PACS1: variants seen among roughly 807,000 people sequenced by gnomAD.
The protein encoded by PACS1 is phosphofurin acidic cluster sorting protein 1, also known as PACS-1.
A neutral mutation model predicts 115.0 loss-of-function variants in PACS1; 24 were observed. The ratio of observed to expected loss-of-function variants is 0.21; its 90% CI spans 0.15 to 0.29. The LOEUF is 0.29. Ranked by LOEUF, PACS1 falls within the 10% of genes least tolerant of loss-of-function variation. PACS1 has a pLI of 1.00. For synonymous variants in PACS1, 453 were observed against 504.5 expected (o/e 0.90, Z 1.37); for missense variants, 838 against 1,251.2 (o/e 0.67, Z 4.98).
At position 66,163,740 on chromosome 11, in the gene PACS1, C is replaced by T. The variant is rs181914403; in HGVS notation, c.357-29746C>T. On this transcript the variant is annotated intron_variant, in intron 1 of 23. Coordinates refer to ENST00000320580, the MANE Select transcript of PACS1 (RefSeq NM_018026.4). The stretch of plus-strand genomic sequence containing the variant: ...GAATGTCTAAGGATTATTTTGTTTT[C>T]TCTTTCTGAGTGCAGCTGTTTGTTT... Among the ~76,000 whole-genome samples, 6 of 152,184 alleles carry T rather than the reference C, an allele frequency of 3.9e-5. 1 individual carries two copies. Among genetic ancestry groups the T allele is most frequent in the East Asian group, 1.9e-4 (1 of 5,178 alleles).
At chr11:66,158,417 G>GCTTTACTGTAATT (rs1859409735) in intron 1 of PACS1, among the ~76,000 whole-genome samples, 2 of 152,222 alleles carry the variant, frequency 1.3e-5, no homozygotes, top group Admixed American at 1.3e-4. Context: ...TGGAAGATAG[G>GCTTTACTGTAATT]CCGGGCGTGG....
chr11:66,143,721 C>T (rs552624656), intron 1 of PACS1, among the ~76,000 whole-genome samples: 45 of 152,184 alleles, frequency 3.0e-4, no homozygotes, highest in African/African-American at 1.1e-3. Context: ...CTCATTGCAA[C>T]CTCTGCCTCC....
chr11:66,147,121 C>G (rs1357412145), intron 1 of PACS1, among the ~76,000 whole-genome samples: 2 of 152,068 alleles, frequency 1.3e-5, no homozygotes. Flanking sequence ...AAGATAACTC[C>G]TCAAGTTTTT....
At chr11:66,168,464 C>T (rs1859658863) in intron 1 of PACS1, among the ~76,000 whole-genome samples, 2 of 150,166 alleles carry the variant, frequency 1.3e-5, no homozygotes, top group Non-Finnish European at 2.9e-5. Context: ...GTTTTAAGAG[C>T]AAAGGCTTCG....
chr11:66,084,398 G>A (rs1857534484), intron 1 of PACS1, among the ~76,000 whole-genome samples: 1 of 152,170 alleles, frequency 6.6e-6, no homozygotes, highest in South Asian at 2.1e-4. Flanking sequence ...AGGCCATTGT[G>A]GGACTCTGGC....
At chr11:66,171,570 TTTTTCTTTTC>T (rs1043464308) in intron 1 of PACS1, among the ~76,000 whole-genome samples, 26 of 149,820 alleles carry the variant, frequency 1.7e-4, no homozygotes, top group Non-Finnish European at 2.2e-4. Flanking sequence ...TCTCATTCCA[TTTTTCTTTTC>T]TTTTCTTTTC....
rs1334774990 is a variant in PACS1 at position 66,207,958 on chromosome 11, G to A, written c.445-2404G>A. ...TAATTTTTGTATTTTTCGTAGAGAC[G>A]AGGTTTCCCAGTGTTGCCCAGGCTG... On this transcript the variant is annotated intron_variant, in intron 2 of 23. Coordinates refer to ENST00000320580, the MANE Select transcript of PACS1 (RefSeq NM_018026.4). 3.3e-5 allele frequency among the ~76,000 whole-genome samples: 5 copies of A among 152,154 alleles called. No homozygotes were observed. In the East Asian group the frequency reaches 7.7e-4, roughly 24 times the overall value.
At chr11:66,124,615 G>A (rs946606532) in intron 1 of PACS1, among the ~76,000 whole-genome samples, 2 of 152,080 alleles carry the variant, frequency 1.3e-5, no homozygotes, top group Non-Finnish European at 2.9e-5. Flanking sequence ...TGACAAGAAC[G>A]GTGTATTTTG....
chr11:66,134,593 T>C (rs1373181827), intron 1 of PACS1, among the ~76,000 whole-genome samples: 2 of 152,086 alleles, frequency 1.3e-5, no homozygotes, highest in African/African-American at 4.8e-5. Context: ...AATCTGGCTG[T>C]AAAAGCATTT....
chr11:66,220,324 C>A, intron 8 of PACS1: 1 of 377,268 alleles, frequency 2.7e-6, no homozygotes, highest in Non-Finnish European at 4.8e-6. Context: ...GCTTCGCCTT[C>A]CTGTGAGCTG....
At chr11:66,168,113 G>A (rs1859649314) in intron 1 of PACS1, among the ~76,000 whole-genome samples, 1 of 149,916 alleles carries the variant, frequency 6.7e-6, no homozygotes, top group Non-Finnish European at 1.5e-5. Flanking sequence ...ATGTTGCCCA[G>A]GCTGATCTTG....
At position 66,070,282 on chromosome 11, in the gene PACS1, G is replaced by A. The variant is rs1418885653; in HGVS notation, c.-205G>A. 1 of 163,482 alleles carries A rather than the reference G, an allele frequency of 6.1e-6. No individual in the cohort carries two copies. The highest frequency in any genetic ancestry group is 1.3e-5 in the Non-Finnish European group (1 of 77,580). The allele number at this position is 163,482 out of a possible 1,614,324, so 10.1% of individuals were successfully genotyped here. On this transcript the variant is annotated 5_prime_UTR_variant, in exon 1 of 24. Coordinates refer to ENST00000320580, the MANE Select transcript of PACS1 (RefSeq NM_018026.4). The surrounding 1 kb of genome is among the most constrained non-coding windows in gnomAD (Gnocchi z 5.9). The stretch of plus-strand genomic sequence containing the variant: ...CTCCCGGACACGCCCACCCGTGTCG[G>A]CCTCGCGAGCCGCAACAGGCAGCGG...
At chr11:66,221,570 C>T (rs187649293) in intron 10 of PACS1, 2,871 of 214,676 alleles carry the variant, frequency 0.013, 30 homozygotes, top group South Asian at 0.025. Context: ...CACTTGAAGC[C>T]GGGAGGCGGA....
chr11:66,136,262 A>AACACAC (rs71270571), intron 1 of PACS1, among the ~76,000 whole-genome samples: 32 of 143,756 alleles, frequency 2.2e-4, no homozygotes, highest in South Asian at 1.6e-3. Context: ...CAATCCCGCT[A>AACACAC]ACACACACAC....
chr11:66,071,532 T>G (rs1477700797), intron 1 of PACS1, among the ~76,000 whole-genome samples: 1 of 152,232 alleles, frequency 6.6e-6, no homozygotes, highest in African/African-American at 2.4e-5. Flanking sequence ...TGGAACCATC[T>G]GGGGACTTTC....
chr11:66,221,051 C>T, intron 9 of PACS1, 103 bp from the exon 10 acceptor site: 1 of 1,142,960 alleles, frequency 8.7e-7, no homozygotes, highest in South Asian at 1.2e-5. Flanking sequence ...TTCTGGACAC[C>T]TGTAGCTTGT....
Position 66,235,330 on chromosome 11 carries a change from C to G in PACS1, c.2134C>G (p.Gln712Glu). Residue 712 changes from glutamine (Q) to glutamate (E), a missense_variant, in exon 18 of 24, where the codon CAG becomes GAG. Around this residue, in one of 6 missense-constraint regions of PACS1, gnomAD observed 383 missense variants for 537.0 expected, o/e 0.71. Transcript: ENST00000320580. This position sits in a 1 kb window ranked among gnomAD's most constrained non-coding sequence, Gnocchi z 5.6. ...ACTGGACGTGGCAGGGCGGGTGATG[C>G]AGTACGTCAACGGGGCAGCCACGAC... ...EQLDVAGRVM[Q>E]YVNGAATTHQ... 6.2e-7 allele frequency: 1 copy of G among 1,613,882 alleles called. No individual in the cohort carries two copies.
At chr11:66,210,803 C>T (rs529509657) in intron 3 of PACS1, among the ~76,000 whole-genome samples, 1 of 152,374 alleles carries the variant, frequency 6.6e-6, no homozygotes. Context: ...TCCTTCCCCT[C>T]TACTCCGTAT....
chr11:66,114,534 A>C (rs1326369587), intron 1 of PACS1, among the ~76,000 whole-genome samples: 7 of 152,114 alleles, frequency 4.6e-5, no homozygotes, highest in Non-Finnish European at 1.0e-4. Flanking sequence ...AGTTTATTTA[A>C]CTAATCCTAC....
Sources: gnomAD v4.1 joint callset for allele counts (sites outside exome capture counted in the v4.1 genomes callset) on GRCh38, gnomAD v4.1.1 for gene constraint, gnomAD v4.1.1 regional missense constraint, Gnocchi (gnomAD v3.1) non-coding constraint, MANE v1.5 for transcripts, NCBI Gene and HGNC (gene_info 2026-07-23, HGNC 2026-07-21) for gene names.